Variants in TTN observed in about 807,000 individuals in gnomAD.
TTN encodes titin, also known as connectin.
TTN carries 1,525 observed loss-of-function variants against 3,223.0 expected under a neutral mutation model. That is an observed-to-expected ratio of 0.47 (90% CI 0.45 to 0.49). The LOEUF is 0.49. Among genes scored for constraint, TTN ranks in the 20% least tolerant of loss-of-function variants. The probability of loss-of-function intolerance (pLI) is 0.00; values close to 1 mark genes in which losing one functional copy is unlikely to be tolerated. For synonymous variants in TTN, 14,094 were observed against 15,161.0 expected (o/e 0.93, Z 5.17); for missense variants, 40,786 against 43,424.0 (o/e 0.94, Z 5.40).
In TTN at chr2:178,536,717, T is replaced by C. The variant is rs1474458565; in HGVS notation, c.100172-142A>G. The C allele has an allele frequency of 4.6e-6, 4 of 879,020 alleles. No homozygotes were observed. In the East Asian group the frequency reaches 8.3e-5, roughly 18 times the overall value. 54.5% of individuals were successfully genotyped at this position (879,020 alleles called of 1,614,324 possible). A position where few individuals can be genotyped will look rare whatever the true frequency, so the allele number is the denominator to read the frequency against. On this transcript the variant is annotated intron_variant, in intron 356 of 362. Transcript: ENST00000589042. ...CAGAAAGATGAAATTGGTTACTTTA[T>C]ACTAAGACATATCAAAAACCAAAGT...
chr2:178,667,333 A>G lies in TTN; in HGVS notation c.35714-14T>C, dbSNP rs931313160. 2 of 1,590,358 alleles carry G rather than the reference A, an allele frequency of 1.3e-6. No individual in the cohort carries two copies. The highest frequency in any genetic ancestry group is 1.7e-5 in the Admixed American group (1 of 57,154). On this transcript the variant is annotated splice_polypyrimidine_tract_variant and intron_variant, in intron 161 of 362. Transcript: ENST00000589042. ...TTGTATCAGGTTCTTTAAAGATATTAGTAGGTTTACATTTAAAAGTTGTAA... is the reference window on the plus strand; with the variant it reads ...TTGTATCAGGTTCTTTAAAGATATTGGTAGGTTTACATTTAAAAGTTGTAA...
chr2:178,592,883 C>G lies in TTN; in HGVS notation c.59236G>C (p.Gly19746Arg). The G allele has an allele frequency of 6.2e-7, 1 of 1,613,414 alleles. No individual in the cohort carries two copies. The highest frequency in any genetic ancestry group is 8.5e-7 in the Non-Finnish European group (1 of 1,179,568). ...TTATAGGTTTGACCGTCCCGAAGAC[C>G]GGTGACTTTATATTTAGTTTCAGGA... ...SCPETKYKVT[G>R]LRDGQTYKFR... The change falls in exon 300 of 363, where the codon GGT becomes CGT. Residue 19746 changes from glycine to arginine, a missense_variant. Transcript: ENST00000589042.
chr2:178,668,133 C>T (rs2066305146), intron 159 of TTN, among the ~76,000 whole-genome samples: 1 of 152,010 alleles, frequency 6.6e-6, no homozygotes, highest in Admixed American at 6.6e-5. Context: ...TTCTAGAAGC[C>T]TCATTATCTA....
chr2:178,555,336 G>A (rs1238969689), intron 330 of TTN, 184 bp from the exon 331 acceptor site: 36 of 594,988 alleles, frequency 6.1e-5, no homozygotes, highest in Middle Eastern at 9.0e-4. Context: ...TCTCAGATGG[G>A]GTAGAAAGAC....
In TTN at chr2:178,717,090, A is replaced by G; in HGVS notation, c.25639+5T>C. 1 of 1,605,266 alleles carries G rather than the reference A, an allele frequency of 6.2e-7. No homozygotes were observed. ...GAGATCTTGCTCCTTCACTCTAACA[A>G]GTACCTTGTACACCCAGCTGAGCAG... On this transcript the variant is annotated splice_donor_5th_base_variant and intron_variant, in intron 88 of 362. Coordinates refer to ENST00000589042, the MANE Select transcript of TTN (RefSeq NM_001267550.2).
chr2:178,632,835 T>A (rs377147629), intron 234 of TTN, 43 bp from the exon 235 acceptor site: 1 of 1,612,432 alleles, frequency 6.2e-7, no homozygotes, highest in Non-Finnish European at 8.5e-7. Context: ...TACGTTTCCA[T>A]TGATGACCCT....
At position 178,636,752 on chromosome 2, in the gene TTN, A is replaced by G. The variant is rs1294042752; in HGVS notation, c.40975T>C (p.Leu13659=). The G allele has an allele frequency of 6.2e-7, 1 of 1,609,354 alleles. No homozygotes were observed. Among genetic ancestry groups the G allele is most frequent in the Non-Finnish European group, 8.5e-7 (1 of 1,176,848 alleles). The change falls in exon 225 of 363, where the codon TTA becomes CTA. Residue 13659 remains leucine (L), a synonymous_variant. Coordinates refer to ENST00000589042, the MANE Select transcript of TTN (RefSeq NM_001267550.2). This position sits in a 1 kb window ranked among gnomAD's most constrained non-coding sequence, Gnocchi z 4.3. ...PSPIEAERRK[L]RPGSGGEKPP... ...TTCTCTCCACCACTTCCTGGCCTTA[A>G]CTTTCTCCTTTCGGCTTCTATTGGT...
chr2:178,624,376 G>A, intron 242 of TTN, 89 bp downstream of exon 242: 15 of 1,557,362 alleles, frequency 9.6e-6, no homozygotes, highest in Non-Finnish European at 1.3e-5. Flanking sequence ...GTTAGGCCAA[G>A]AAGGGCATGC....
At chr2:178,596,998 T>G (rs1414248172) in intron 294 of TTN, among the ~76,000 whole-genome samples, 1 of 152,098 alleles carries the variant, frequency 6.6e-6, no homozygotes, top group African/African-American at 2.4e-5. Context: ...TGCATTATTA[T>G]GATAATTTAG....
In TTN at chr2:178,733,849, T is replaced by G. The variant is rs2080969075; in HGVS notation, c.15540A>C (p.Leu5180=). The change falls in exon 53 of 363, where the codon CTA becomes CTC. Residue 5180 remains leucine (L), a synonymous_variant. Coordinates refer to ENST00000589042, the MANE Select transcript of TTN (RefSeq NM_001267550.2). Reference sequence around the variant, plus strand: ...CTTGCAGGGTAACGGTTTGTCCTCCTAGTGCAATCAAATCATCTACTTTCT... The same window carrying G: ...CTTGCAGGGTAACGGTTTGTCCTCCGAGTGCAATCAAATCATCTACTTTCT... ...FVKKVDDLIA[L]GGQTVTLQAA... The G allele has an allele frequency of 6.2e-7, 1 of 1,608,282 alleles. No individual in the cohort carries two copies. The highest frequency in any genetic ancestry group is 1.3e-5 in the African/African-American group (1 of 74,770).
intron 356 of TTN, 174 bp downstream of exon 356, chr2:178,536,764 G>A (rs1691715802): frequency 2.5e-6 from 2 of 802,640 alleles, no homozygotes; most frequent in Non-Finnish European, 1.9e-6. Flanking sequence ...AATGGGGTTA[G>A]GATATATATT....
At chr2:178,713,501 C>T (rs771569997) in intron 92 of TTN, 129 bp from the exon 93 acceptor site, 167 of 1,374,364 alleles carry the variant, frequency 1.2e-4, no homozygotes, top group South Asian at 6.7e-4. Flanking sequence ...TCTTTTGTGA[C>T]GGTATTAAAA....
Position 178,741,779 on chromosome 2 carries a change from A to T in TTN, c.11454T>A (p.Thr3818=), listed in dbSNP as rs772987736. The T allele has an allele frequency of 1.2e-6, 2 of 1,613,552 alleles. No individual in the cohort carries two copies. Among genetic ancestry groups the T allele is most frequent in the South Asian group, 2.2e-5 (2 of 91,078 alleles). The part of the protein sequence containing the change: ...PTKFDSEKEG[T]GPIFIKEVSN... ...ACACTTCTTTGATGAAAATTGGGCC[A>T]GTGCCTTCCTTTTCGGAATCAAATT... The change falls in exon 48 of 363, where the codon ACT becomes ACA. Residue 3818 remains threonine (T), a synonymous_variant. Transcript: ENST00000589042.
At chr2:178,708,553 TA>T (rs2076204190) in intron 99 of TTN, among the ~76,000 whole-genome samples, 1 of 152,218 alleles carries the variant, frequency 6.6e-6, no homozygotes. Flanking sequence ...GTCTATCCTT[TA>T]AAAACATTTT....
At chr2:178,766,325 C>T (rs1343842974) in intron 41 of TTN, 56 bp downstream of exon 41, 4 of 1,358,532 alleles carry the variant, frequency 2.9e-6, no homozygotes, top group East Asian at 4.6e-5. Flanking sequence ...GTGACTTAAA[C>T]AGGAGGATTA....
rs368602455 is a variant in TTN at position 178,609,118 on chromosome 2, T to C, written c.52102+90A>G. The C allele has an allele frequency of 5.1e-6, 7 of 1,378,998 alleles. No individual in the cohort carries two copies. The East Asian group carries it at 7.6e-5, about 15-fold the overall frequency. 85.4% of individuals were successfully genotyped at this position (1,378,998 alleles called of 1,614,324 possible). A position where few individuals can be genotyped will look rare whatever the true frequency, so the allele number is the denominator to read the frequency against. On this transcript the variant is annotated intron_variant, in intron 273 of 362. Transcript: ENST00000589042. The stretch of plus-strand genomic sequence containing the variant: ...TTGAGGATAACTTGCTGAAGCTATG[T>C]CCCATTTCTTTTAACTCTCTCCCAA...
At chr2:178,708,654 G>C (rs142746534) in intron 99 of TTN, among the ~76,000 whole-genome samples, 133 of 152,268 alleles carry the variant, frequency 8.7e-4, no homozygotes, top group African/African-American at 2.9e-3. Flanking sequence ...CCACTGCTAA[G>C]TATATATTTT....
intron 47 of TTN, among the ~76,000 whole-genome samples, chr2:178,742,222 GT>G (rs2082622828): frequency 6.6e-6 from 1 of 151,982 alleles, no homozygotes; most frequent in Non-Finnish European, 1.5e-5. Flanking sequence ...CAATTTTAAA[GT>G]TTGAAAAACT....
chr2:178,609,352 G>T lies in TTN; in HGVS notation c.51958C>A (p.Gln17320Lys). 1 of 1,612,126 alleles carries T rather than the reference G, an allele frequency of 6.2e-7. No homozygotes were observed. The highest frequency in any genetic ancestry group is 1.1e-5 in the South Asian group (1 of 90,920). Reference sequence around the variant, plus strand: ...TTGCTGTTGTCAATACTCAAACGCTGTGTCAGAGGCAGGACAAATGGTTCT... The same window carrying T: ...TTGCTGTTGTCAATACTCAAACGCTTTGTCAGAGGCAGGACAAATGGTTCT... ...EEEPFVLPLT[Q>K]RLSIDNSKKG... Residue 17320 changes from glutamine to lysine, a missense_variant, in exon 273 of 363, where the codon CAG (glutamine) becomes AAG (lysine). Gln to Lys is a moderately conservative substitution (Grantham distance 53). Coordinates refer to ENST00000589042, the MANE Select transcript of TTN (RefSeq NM_001267550.2).
Sources: allele counts gnomAD v4.1 joint callset (sites outside exome capture counted in the v4.1 genomes callset), GRCh38; gene constraint gnomAD v4.1.1; non-coding constraint Gnocchi (gnomAD v3.1); transcripts MANE v1.5; gene names NCBI Gene and HGNC (gene_info 2026-07-23, HGNC 2026-07-21).